PDCL2: variants seen among roughly 807,000 people sequenced by gnomAD.
The protein encoded by PDCL2 is phosducin-like protein 2.
A neutral mutation model predicts 30.3 loss-of-function variants in PDCL2; 23 were observed. The ratio of observed to expected loss-of-function variants is 0.76; its 90% CI spans 0.55 to 1.08. The LOEUF is 1.08. PDCL2 is among the 50% of genes least tolerant of loss of function. The pLI is 0.00. For synonymous variants in PDCL2, 68 were observed against 86.2 expected, an observed-to-expected ratio of 0.79 and a Z score of 1.17; for missense variants, 243 against 282.3, an observed-to-expected ratio of 0.86 and a Z score of 1.00.
chr4:55,558,933 C>G (rs1198830299), intron 5 of PDCL2, among the ~76,000 whole-genome samples: 2 of 152,076 alleles, frequency 1.3e-5, no homozygotes. Context: ...CACACACGCA[C>G]TCTTATAAAT....
chr4:55,583,198 G>A (rs1392084353), intron 1 of PDCL2, among the ~76,000 whole-genome samples: 1 of 151,976 alleles, frequency 6.6e-6, no homozygotes, highest in Non-Finnish European at 1.5e-5. Flanking sequence ...TGAACTCCTG[G>A]CCTCAAGTGA....
intron 5 of PDCL2, among the ~76,000 whole-genome samples, chr4:55,559,334 T>C (rs1732065140): frequency 7.7e-6 from 1 of 130,522 alleles, no homozygotes; most frequent in Non-Finnish European, 1.7e-5. Context: ...ATGGGAAAAT[T>C]GGAAACTCAC....
chr4:55,585,345 T>C (rs1302081274), intron 1 of PDCL2, among the ~76,000 whole-genome samples: 2 of 152,092 alleles, frequency 1.3e-5, no homozygotes, highest in African/African-American at 4.8e-5. Flanking sequence ...CTGGCCAACA[T>C]GGTGAAACCC....
chr4:55,557,934 C>A (rs1200115368), intron 5 of PDCL2, among the ~76,000 whole-genome samples: 3 of 131,148 alleles, frequency 2.3e-5, no homozygotes, highest in Non-Finnish European at 4.8e-5. Flanking sequence ...TGTGAAACTC[C>A]ATCTCTACTA....
intron 3 of PDCL2, among the ~76,000 whole-genome samples, chr4:55,570,185 T>C (rs1471967422): frequency 6.6e-6 from 1 of 152,178 alleles, no homozygotes; most frequent in East Asian, 1.9e-4. Context: ...GAATACTTCA[T>C]TAAGGAGAAT....
intron 4 of PDCL2, among the ~76,000 whole-genome samples, chr4:55,563,840 T>C (rs755241600): frequency 1.3e-5 from 2 of 152,190 alleles, no homozygotes; most frequent in Non-Finnish European, 2.9e-5. Context: ...GGTGTTGTTA[T>C]GTAGATGAAA....
intron 3 of PDCL2, among the ~76,000 whole-genome samples, chr4:55,571,703 T>G: frequency 7.0e-6 from 1 of 142,370 alleles, no homozygotes; most frequent in African/African-American, 2.7e-5. Flanking sequence ...AAAAAAAATT[T>G]TTGACCTTAT....
intron 3 of PDCL2, among the ~76,000 whole-genome samples, chr4:55,574,971 T>G (rs879239330): frequency 6.6e-6 from 1 of 152,244 alleles, no homozygotes; most frequent in Non-Finnish European, 1.5e-5. Context: ...TTTAACCTTT[T>G]GAGGATCCAC....
In PDCL2 at chr4:55,582,145, C is replaced by T. The variant is rs372623868; in HGVS notation, c.99G>A (p.Met33Ile). Residue 33 changes from methionine (M) to isoleucine (I), a missense_variant, in exon 2 of 6, where the codon ATG (methionine) becomes ATA (isoleucine). Transcript: ENST00000295645. ...TTGCTTCTTTCTGTAAACGTAAAAC[C>T]ATTTCTTCAATTTCATCTTTTGACT... is the stretch of plus-strand genomic sequence containing the variant. The part of the protein sequence containing the change: ...KEESKDEIEE[M>I]VLRLQKEAMV... 2 of 1,612,994 alleles carry T rather than the reference C, an allele frequency of 1.2e-6. No homozygotes were observed. The highest frequency in any genetic ancestry group is 2.7e-5 in the African/African-American group (2 of 74,890).
intron 1 of PDCL2, among the ~76,000 whole-genome samples, chr4:55,588,410 G>A (rs1332704049): frequency 1.3e-5 from 2 of 151,680 alleles, no homozygotes; most frequent in Non-Finnish European, 2.9e-5. Flanking sequence ...GGACTCAAAA[G>A]GATCAAGGAC....
rs930722721 is a variant in PDCL2 at position 55,565,544 on chromosome 4, C to T, written c.363-2932G>A. Reference sequence around the variant, plus strand: ...GAGAACTCACTCATTATCACAAGAACAGCATGAGGGTAACTGCCCCCATGA... The same window carrying T: ...GAGAACTCACTCATTATCACAAGAATAGCATGAGGGTAACTGCCCCCATGA... On this transcript the variant is annotated intron_variant, in intron 4 of 5. Coordinates refer to ENST00000295645, the MANE Select transcript of PDCL2 (RefSeq NM_152401.3). Among the ~76,000 whole-genome samples, 6 of 152,160 alleles carry T rather than the reference C, an allele frequency of 3.9e-5. No individual in the cohort carries two copies. In the South Asian group the frequency reaches 1.2e-3, roughly 32 times the overall value.
intron 1 of PDCL2, among the ~76,000 whole-genome samples, chr4:55,589,957 G>A (rs1267544973): frequency 6.6e-6 from 1 of 152,000 alleles, no homozygotes; most frequent in Non-Finnish European, 1.5e-5. Flanking sequence ...AGCGCTTTGA[G>A]AGGCCAAAGC....
intron 3 of PDCL2, among the ~76,000 whole-genome samples, chr4:55,574,678 A>G (rs1296155855): frequency 2.0e-5 from 3 of 152,128 alleles, no homozygotes; most frequent in African/African-American, 4.8e-5. Flanking sequence ...CCTATCCCCT[A>G]TCCTAGGCCC....
intron 5 of PDCL2, among the ~76,000 whole-genome samples, chr4:55,559,499 A>G (rs2110151483): frequency 6.6e-6 from 1 of 152,358 alleles, no homozygotes; most frequent in Non-Finnish European, 1.5e-5. Flanking sequence ...TGATACTACA[A>G]TATAATGCCC....
At chr4:55,582,421 T>C (rs1234925675) in intron 1 of PDCL2, among the ~76,000 whole-genome samples, 184 bp from the exon 2 acceptor site, 1 of 152,194 alleles carries the variant, frequency 6.6e-6, no homozygotes, top group Non-Finnish European at 1.5e-5. Flanking sequence ...TGGGATTATA[T>C]GCTCCACTCA....
chr4:55,584,247 G>GTTA (rs1732803064), intron 1 of PDCL2, among the ~76,000 whole-genome samples: 2 of 85,752 alleles, frequency 2.3e-5, no homozygotes, highest in East Asian at 4.9e-4. Context: ...TTTTTTTGTT[G>GTTA]TTGTTGTTTT....
chr4:55,587,936 C>A (rs1306833103), intron 1 of PDCL2, among the ~76,000 whole-genome samples: 1 of 151,370 alleles, frequency 6.6e-6, no homozygotes, highest in East Asian at 2.0e-4. Context: ...TTATTTTTTT[C>A]TTTTGTTACC....
At chr4:55,576,741 T>C (rs1005997923) in intron 3 of PDCL2, among the ~76,000 whole-genome samples, 2 of 152,306 alleles carry the variant, frequency 1.3e-5, no homozygotes, top group Middle Eastern at 3.4e-3. Context: ...ACAAAAATTA[T>C]GTAAGAAATA....
intron 3 of PDCL2, among the ~76,000 whole-genome samples, chr4:55,580,188 T>A (rs2130035): frequency 9.9e-5 from 15 of 152,204 alleles, no homozygotes; most frequent in Non-Finnish European, 2.9e-5. Flanking sequence ...ATTCCTGCAA[T>A]CAATACTACT....
Sources: allele counts gnomAD v4.1 joint callset (sites outside exome capture counted in the v4.1 genomes callset), GRCh38; gene constraint gnomAD v4.1.1; transcripts MANE v1.5; gene names NCBI Gene and HGNC (gene_info 2026-07-23, HGNC 2026-07-21).